AQP7B: variants seen among roughly 807,000 people sequenced by gnomAD.
The protein encoded by AQP7B is aquaporin 7B.
chr2:94,601,081 C>A, the AQP7B span, among the ~76,000 whole-genome samples: 1 of 152,062 alleles, frequency 6.6e-6, no homozygotes, highest in Non-Finnish European at 1.5e-5. Flanking sequence ...AACAGAGGCA[C>A]AAGAAAGCAA....
At chr2:94,598,026 T>C in the AQP7B span, among the ~76,000 whole-genome samples, 1 of 152,220 alleles carries the variant, frequency 6.6e-6, no homozygotes, top group Admixed American at 6.5e-5. Context: ...TTTCAGGTAG[T>C]TCAAGTTGCC....
chr2:94,593,065 C>T, the AQP7B span, among the ~76,000 whole-genome samples: 5 of 151,890 alleles, frequency 3.3e-5, no homozygotes, highest in Admixed American at 2.6e-4. Context: ...TGGGCTCAAG[C>T]GATCAGCTCG....
At chr2:94,603,367 G>T in the AQP7B span, 6 of 1,595,402 alleles carry the variant, frequency 3.8e-6, no homozygotes, top group Non-Finnish European at 3.4e-6. Flanking sequence ...TCGCATGATA[G>T]TCTGTGTCTC....
the AQP7B span, among the ~76,000 whole-genome samples, chr2:94,597,973 G>T: frequency 2.6e-5 from 4 of 152,140 alleles, no homozygotes; most frequent in Admixed American, 1.3e-4. Flanking sequence ...AGCTTTTAAA[G>T]ACTGGCTTGT....
the AQP7B span, among the ~76,000 whole-genome samples, chr2:94,589,163 TG>T: frequency 6.6e-6 from 1 of 150,508 alleles, no homozygotes; most frequent in South Asian, 2.1e-4. Flanking sequence ...GCTAATTAGT[TG>T]TTGTTTTTTT....
the AQP7B span, chr2:94,604,191 G>A: frequency 7.8e-7 from 1 of 1,276,110 alleles, no homozygotes; most frequent in Non-Finnish European, 1.1e-6. Flanking sequence ...GGTAGCCTGG[G>A]GATGACTCCT....
At chr2:94,602,958 G>A in the AQP7B span, 1 of 1,436,548 alleles carries the variant, frequency 7.0e-7, no homozygotes, top group Non-Finnish European at 9.4e-7. Flanking sequence ...ATACACACTA[G>A]CCATCGTTGT....
the AQP7B span, among the ~76,000 whole-genome samples, chr2:94,598,827 G>C: frequency 1.3e-5 from 2 of 152,130 alleles, no homozygotes; most frequent in Admixed American, 1.3e-4. Flanking sequence ...TTTATTTTGA[G>C]ACAGAGTCTG....
the AQP7B span, among the ~76,000 whole-genome samples, chr2:94,590,890 A>C: frequency 7.5e-6 from 1 of 132,952 alleles, no homozygotes; most frequent in Non-Finnish European, 1.6e-5. Context: ...GGCTTCAGTG[A>C]GCTTTGACTG....
chr2:94,602,607 G>C, the AQP7B span: 1 of 1,594,274 alleles, frequency 6.3e-7, no homozygotes, highest in East Asian at 2.2e-5. Flanking sequence ...GTGGCAGGCC[G>C]CATCTCTGGT....
At chr2:94,595,666 G>A in the AQP7B span, among the ~76,000 whole-genome samples, 1 of 152,122 alleles carries the variant, frequency 6.6e-6, no homozygotes, top group Non-Finnish European at 1.5e-5. Flanking sequence ...ATCTGGGACA[G>A]AGAGAGGGTG....
At chr2:94,600,252 T>C in the AQP7B span, among the ~76,000 whole-genome samples, 1 of 152,196 alleles carries the variant, frequency 6.6e-6, no homozygotes, top group Non-Finnish European at 1.5e-5. Flanking sequence ...CTACAATTCT[T>C]CAGGTTTTTT....
At chr2:94,594,882 G>C in the AQP7B span, 3 of 1,492,748 alleles carry the variant, frequency 2.0e-6, no homozygotes, top group Non-Finnish European at 2.8e-6. Context: ...TGGTGAGTGG[G>C]TGGGCAGCAC....
chr2:94,601,167 C>T, the AQP7B span, among the ~76,000 whole-genome samples: 1 of 152,192 alleles, frequency 6.6e-6, no homozygotes, highest in African/African-American at 2.4e-5. Flanking sequence ...AATCCTGGCT[C>T]ACCATGTACA....
chr2:94,593,780 C>T, the AQP7B span, among the ~76,000 whole-genome samples: 1 of 152,164 alleles, frequency 6.6e-6, no homozygotes, highest in Non-Finnish European at 1.5e-5. Flanking sequence ...GCTACCGGGC[C>T]CAGCCCCTCT....
chr2:94,597,695 C>A, the AQP7B span, among the ~76,000 whole-genome samples: 1 of 151,288 alleles, frequency 6.6e-6, no homozygotes, highest in Non-Finnish European at 1.5e-5. Context: ...ACCTCCACCT[C>A]CCGGGTTCAA....
chr2:94,595,990 A>G, the AQP7B span, among the ~76,000 whole-genome samples: 1 of 152,228 alleles, frequency 6.6e-6, no homozygotes, highest in Non-Finnish European at 1.5e-5. Flanking sequence ...TTGAGGACAG[A>G]GCCCTGAGGA....
the AQP7B span, among the ~76,000 whole-genome samples, chr2:94,599,050 C>T: frequency 6.6e-5 from 10 of 152,220 alleles, no homozygotes; most frequent in Non-Finnish European, 1.2e-4. Context: ...GATTGGCCTG[C>T]CTCGGTCTCC....
the AQP7B span, chr2:94,594,696 G>C: frequency 1.5e-6 from 2 of 1,319,752 alleles, no homozygotes; most frequent in Non-Finnish European, 2.2e-6. Context: ...TGGGCAGCAG[G>C]CAAACTTGAG....
Sources: gnomAD v4.1 joint callset for allele counts (sites outside exome capture counted in the v4.1 genomes callset) on GRCh38, gnomAD v4.1.1 for gene constraint, MANE v1.5 for transcripts, NCBI Gene and HGNC (gene_info 2026-07-23, HGNC 2026-07-21) for gene names.